Variants in BCL2L2 observed in about 807,000 individuals in gnomAD.
BCL2L2 encodes bcl-2-like protein 2.
In BCL2L2, 6 loss-of-function variants were observed where a neutral mutation model predicts 14.6. The ratio of observed to expected loss-of-function variants is 0.41; its 90% CI spans 0.22 to 0.81. BCL2L2 has a LOEUF of 0.81. Ranked by LOEUF, BCL2L2 falls within the 30% of genes least tolerant of loss-of-function variation. BCL2L2 has a pLI of 0.32. For synonymous variants in BCL2L2, 90 were observed against 108.5 expected (o/e 0.83, Z 1.06); for missense variants, 191 against 260.5 (o/e 0.73, Z 1.84).
chr14:23,309,252 T>A lies in BCL2L2; in HGVS notation c.*287T>A. The A allele has an allele frequency of 8.5e-7, 1 of 1,178,404 alleles. No homozygotes were observed. The highest frequency in any genetic ancestry group is 3.4e-4 in the Middle Eastern group (1 of 2,956). 73.0% of individuals were successfully genotyped at this position (1,178,404 alleles called of 1,614,324 possible). A position where few individuals can be genotyped will look rare whatever the true frequency, so the allele number is the denominator to read the frequency against. On this transcript the variant is annotated 3_prime_UTR_variant, in exon 4 of 4. Transcript: ENST00000250405. Reference sequence around the variant, plus strand: ...GATCACGCCTATAGGTGTGGGCACATGAAACGACCTGGAACTTGCTTCACA... The same window carrying A: ...GATCACGCCTATAGGTGTGGGCACAAGAAACGACCTGGAACTTGCTTCACA...
Position 23,309,450 on chromosome 14 carries a change from C to G in BCL2L2, c.*485C>G, listed in dbSNP as rs1858740498. On this transcript the variant is annotated 3_prime_UTR_variant, in exon 4 of 4. Transcript: ENST00000250405. The stretch of plus-strand genomic sequence containing the variant: ...ACACGCGTGTGCATGTGCACGCATG[C>G]TGGTGTGCATGCTGGGCTGCCTGGC... 1.0e-6 allele frequency: 1 copy of G among 987,546 alleles called. No individual in the cohort carries two copies. Among genetic ancestry groups the G allele is most frequent in the Non-Finnish European group, 1.2e-6 (1 of 831,430 alleles). The allele number at this position is 987,546 out of a possible 1,614,324, so 61.2% of individuals were successfully genotyped here. A position where few individuals can be genotyped will look rare whatever the true frequency, so the allele number is the denominator to read the frequency against.
At position 23,311,427 on chromosome 14, in the gene BCL2L2, T is replaced by C; in HGVS notation, c.*2462T>C. On this transcript the variant is annotated 3_prime_UTR_variant, in exon 4 of 4. Coordinates refer to ENST00000250405, the MANE Select transcript of BCL2L2 (RefSeq NM_004050.5). Reference sequence around the variant, plus strand: ...ATTAAGTAGGAGGAGAGGGGTTTCTTGCTCTCCAGAGCCCAAAGGGACAAA... The same window carrying C: ...ATTAAGTAGGAGGAGAGGGGTTTCTCGCTCTCCAGAGCCCAAAGGGACAAA... 1 of 1,076,376 alleles carries C rather than the reference T, an allele frequency of 9.3e-7. No individual in the cohort carries two copies. The highest frequency in any genetic ancestry group is 1.1e-6 in the Non-Finnish European group (1 of 885,792). 66.7% of individuals were successfully genotyped at this position (1,076,376 alleles called of 1,614,324 possible). A position where few individuals can be genotyped will look rare whatever the true frequency, so the allele number is the denominator to read the frequency against.
chr14:23,310,040 G>C lies in BCL2L2; in HGVS notation c.*1075G>C. The stretch of plus-strand genomic sequence containing the variant: ...TGACCATTTCAGATCTGAATCCCAT[G>C]GGTGTGAGGGTGATGGGTACTCCAG... On this transcript the variant is annotated 3_prime_UTR_variant, in exon 4 of 4. Coordinates refer to ENST00000250405, the MANE Select transcript of BCL2L2 (RefSeq NM_004050.5). 1.0e-6 allele frequency: 1 copy of C among 985,536 alleles called. No homozygotes were observed. The highest frequency in any genetic ancestry group is 1.2e-6 in the Non-Finnish European group (1 of 830,062). 61.0% of individuals were successfully genotyped at this position (985,536 alleles called of 1,614,324 possible).
At position 23,308,753 on chromosome 14, in the gene BCL2L2, A is replaced by T; in HGVS notation, c.433-63A>T. On this transcript the variant is annotated intron_variant, in intron 3 of 3. Coordinates refer to ENST00000250405, the MANE Select transcript of BCL2L2 (RefSeq NM_004050.5). The surrounding 1 kb of genome is among the most constrained non-coding windows in gnomAD (Gnocchi z 5.4). ...GAACTCTTCCTCTCCTCTTCTCTCC[A>T]CTCTTTCCTCTCCTGATATCCCTTT... 1 of 1,242,724 alleles carries T rather than the reference A, an allele frequency of 8.0e-7. No individual in the cohort carries two copies. The highest frequency in any genetic ancestry group is 1.0e-6 in the Non-Finnish European group (1 of 956,858). 77.0% of individuals were successfully genotyped at this position (1,242,724 alleles called of 1,614,324 possible).
chr14:23,310,920 A>G lies in BCL2L2; in HGVS notation c.*1955A>G. The G allele has an allele frequency of 7.8e-7, 1 of 1,289,204 alleles. No homozygotes were observed. The highest frequency in any genetic ancestry group is 1.0e-6 in the Non-Finnish European group (1 of 988,544). 79.9% of individuals were successfully genotyped at this position (1,289,204 alleles called of 1,614,324 possible). A position where few individuals can be genotyped will look rare whatever the true frequency, so the allele number is the denominator to read the frequency against. On this transcript the variant is annotated 3_prime_UTR_variant, in exon 4 of 4. Coordinates refer to ENST00000250405, the MANE Select transcript of BCL2L2 (RefSeq NM_004050.5). ...GTTTGCTGCTGAAAAAAAGTTGGAA[A>G]ACCACTGACTAGACCATCGGCTCCA... is the stretch of plus-strand genomic sequence containing the variant.
In BCL2L2 at chr14:23,309,419, G is replaced by C. The variant is rs866745983; in HGVS notation, c.*454G>C. On this transcript the variant is annotated 3_prime_UTR_variant, in exon 4 of 4. Coordinates refer to ENST00000250405, the MANE Select transcript of BCL2L2 (RefSeq NM_004050.5). ...GAGAGGTGGCTGTTAACAGTGGGCT[G>C]CTTGGACACGCGTGTGCATGTGCAC... 2.0e-6 allele frequency: 2 copies of C among 991,160 alleles called. No homozygotes were observed. The highest frequency in any genetic ancestry group is 2.4e-6 in the Non-Finnish European group (2 of 833,922). The allele number at this position is 991,160 out of a possible 1,614,324, so 61.4% of individuals were successfully genotyped here.
Position 23,309,646 on chromosome 14 carries a change from C to G in BCL2L2, c.*681C>G. On this transcript the variant is annotated 3_prime_UTR_variant, in exon 4 of 4. Coordinates refer to ENST00000250405, the MANE Select transcript of BCL2L2 (RefSeq NM_004050.5). ...ATCCAGACCGAGGGCTCTGCTGCTT[C>G]TTTCCAGAAAGTGATTGGCAAGGCT... is the stretch of plus-strand genomic sequence containing the variant. 1 of 985,642 alleles carries G rather than the reference C, an allele frequency of 1.0e-6. No individual in the cohort carries two copies. The allele number at this position is 985,642 out of a possible 1,614,324, so 61.1% of individuals were successfully genotyped here.
At position 23,307,874 on chromosome 14, in the gene BCL2L2, G is replaced by C. The variant is rs751213062; in HGVS notation, c.107G>C (p.Gly36Ala). The change falls in exon 3 of 4, where the codon GGC becomes GCC. Residue 36 changes from glycine (G) to alanine (A), a missense_variant. Physicochemically the swap from Gly to Ala is moderately conservative, Grantham distance 60 (BLOSUM62 0). Coordinates refer to ENST00000250405, the MANE Select transcript of BCL2L2 (RefSeq NM_004050.5). ...GYVCGAGPGE[G>A]PAADPLHQAM... is the part of the protein sequence containing the mutation. ...GTCTGTGGAGCTGGCCCCGGGGAGG[G>C]CCCAGCAGCTGACCCGCTGCACCAA... 6 of 1,612,266 alleles carry C rather than the reference G, an allele frequency of 3.7e-6. No individual in the cohort carries two copies. The South Asian group carries it at 6.6e-5, about 18-fold the overall frequency.
rs919568950 is a variant in BCL2L2, at chr14:23,308,419, G to A, written c.432+220G>A. On this transcript the variant is annotated intron_variant, in intron 3 of 3. Coordinates refer to ENST00000250405, the MANE Select transcript of BCL2L2 (RefSeq NM_004050.5). The surrounding 1 kb of genome is among the most constrained non-coding windows in gnomAD (Gnocchi z 5.4). Reference sequence around the variant, plus strand: ...GGATGGGCTCATGGTCCCAAGCAGAGGACAGAATACACACCCAAGGAGTGC... The same window carrying A: ...GGATGGGCTCATGGTCCCAAGCAGAAGACAGAATACACACCCAAGGAGTGC... 1.3e-5 allele frequency among the ~76,000 whole-genome samples: 2 copies of A among 152,062 alleles called. No individual in the cohort carries two copies. Among genetic ancestry groups the A allele is most frequent in the African/African-American group, 4.8e-5 (2 of 41,394 alleles).
Position 23,309,188 on chromosome 14 carries a change from A to T in BCL2L2, c.*223A>T. On this transcript the variant is annotated 3_prime_UTR_variant, in exon 4 of 4. Coordinates refer to ENST00000250405, the MANE Select transcript of BCL2L2 (RefSeq NM_004050.5). ...AATGTTTTGGCAAGTTTAGGGGCAC[A>T]GGAGATGTAGTCGTTCCAGGGCTGG... is the stretch of plus-strand genomic sequence containing the variant. 4.8e-5 allele frequency: 47 copies of T among 983,400 alleles called. No individual in the cohort carries two copies. The highest frequency in any genetic ancestry group is 3.8e-4 in the East Asian group (4 of 10,608). The allele number at this position is 983,400 out of a possible 1,614,324, so 60.9% of individuals were successfully genotyped here.
rs1027899777 is a variant in BCL2L2, at chr14:23,309,274, C to T, written c.*309C>T. 27 of 1,152,882 alleles carry T rather than the reference C, an allele frequency of 2.3e-5. No homozygotes were observed. In the South Asian group the frequency reaches 6.6e-4, roughly 28 times the overall value. 71.4% of individuals were successfully genotyped at this position (1,152,882 alleles called of 1,614,324 possible). On this transcript the variant is annotated 3_prime_UTR_variant, in exon 4 of 4. Coordinates refer to ENST00000250405, the MANE Select transcript of BCL2L2 (RefSeq NM_004050.5). ...ACATGAAACGACCTGGAACTTGCTTCACAGCCCTGAGGAAGGTGGACTTAC... is the reference window on the plus strand; with the variant it reads ...ACATGAAACGACCTGGAACTTGCTTTACAGCCCTGAGGAAGGTGGACTTAC...
chr14:23,307,707 T>C, intron 2 of BCL2L2, 53 bp from the exon 3 acceptor site: 1 of 1,510,514 alleles, frequency 6.6e-7, no homozygotes, highest in South Asian at 1.4e-5. Flanking sequence ...AAGTGCTCCT[T>C]CTGATTCTCT....
Position 23,311,308 on chromosome 14 carries a change from C to T in BCL2L2, c.*2343C>T. Reference sequence around the variant, plus strand: ...GCCATATAGTTCCTTGGGATTAGCTCTTGGCCAAGAAGGCTGAGTATGGTT... The same window carrying T: ...GCCATATAGTTCCTTGGGATTAGCTTTTGGCCAAGAAGGCTGAGTATGGTT... On this transcript the variant is annotated 3_prime_UTR_variant, in exon 4 of 4. Coordinates refer to ENST00000250405, the MANE Select transcript of BCL2L2 (RefSeq NM_004050.5). The T allele has an allele frequency of 9.0e-7, 1 of 1,115,410 alleles. No homozygotes were observed. The highest frequency in any genetic ancestry group is 1.1e-6 in the Non-Finnish European group (1 of 907,182). 69.1% of individuals were successfully genotyped at this position (1,115,410 alleles called of 1,614,324 possible).
At position 23,308,314 on chromosome 14, in the gene BCL2L2, G is replaced by C; in HGVS notation, c.432+115G>C. The C allele has an allele frequency of 8.7e-6, 12 of 1,384,302 alleles. No individual in the cohort carries two copies. Among genetic ancestry groups the C allele is most frequent in the Non-Finnish European group, 1.1e-5 (12 of 1,050,778 alleles). The allele number at this position is 1,384,302 out of a possible 1,614,324, so 85.8% of individuals were successfully genotyped here. Reference sequence around the variant, plus strand: ...AGCTATGTTGGGAATGAGGTACGGGGCTGAGTCTCCCCGTCTGGATGGAAT... The same window carrying C: ...AGCTATGTTGGGAATGAGGTACGGGCCTGAGTCTCCCCGTCTGGATGGAAT... On this transcript the variant is annotated intron_variant, in intron 3 of 3. Coordinates refer to ENST00000250405, the MANE Select transcript of BCL2L2 (RefSeq NM_004050.5). This position sits in a 1 kb window ranked among gnomAD's most constrained non-coding sequence, Gnocchi z 5.4.
chr14:23,309,698 G>T lies in BCL2L2; in HGVS notation c.*733G>T, dbSNP rs1454985186. 1 of 985,490 alleles carries T rather than the reference G, an allele frequency of 1.0e-6. No individual in the cohort carries two copies. The highest frequency in any genetic ancestry group is 1.2e-6 in the Non-Finnish European group (1 of 830,054). The allele number at this position is 985,490 out of a possible 1,614,324, so 61.0% of individuals were successfully genotyped here. On this transcript the variant is annotated 3_prime_UTR_variant, in exon 4 of 4. Coordinates refer to ENST00000250405, the MANE Select transcript of BCL2L2 (RefSeq NM_004050.5). Reference sequence around the variant, plus strand: ...TGGAGAGAAGAGCAGTTCTGCAGCTGGCCTTGTTCCTTCATCATCCCCCTT... The same window carrying T: ...TGGAGAGAAGAGCAGTTCTGCAGCTTGCCTTGTTCCTTCATCATCCCCCTT...
chr14:23,307,663 T>C (rs1432687410), intron 2 of BCL2L2, 97 bp from the exon 3 acceptor site: 1 of 1,461,908 alleles, frequency 6.8e-7, no homozygotes, highest in Non-Finnish European at 9.1e-7. Context: ...GCATTTCCTC[T>C]CTCCTCCTCA....
Position 23,308,411 on chromosome 14 carries a change from C to T in BCL2L2, c.432+212C>T, listed in dbSNP as rs975051453. On this transcript the variant is annotated intron_variant, in intron 3 of 3. Coordinates refer to ENST00000250405, the MANE Select transcript of BCL2L2 (RefSeq NM_004050.5). This position sits in a 1 kb window ranked among gnomAD's most constrained non-coding sequence, Gnocchi z 5.4. ...TCAACACTGGATGGGCTCATGGTCC[C>T]AAGCAGAGGACAGAATACACACCCA... Among the ~76,000 whole-genome samples, 5 of 152,008 alleles carry T rather than the reference C, an allele frequency of 3.3e-5. No individual in the cohort carries two copies. Among genetic ancestry groups the T allele is most frequent in the Non-Finnish European group, 7.4e-5 (5 of 68,014 alleles).
chr14:23,308,213 C>G lies in BCL2L2; in HGVS notation c.432+14C>G, dbSNP rs1396064957. 6.3e-7 allele frequency: 1 copy of G among 1,597,308 alleles called. No individual in the cohort carries two copies. The highest frequency in any genetic ancestry group is 1.1e-5 in the South Asian group (1 of 89,208). On this transcript the variant is annotated intron_variant, in intron 3 of 3. Coordinates refer to ENST00000250405, the MANE Select transcript of BCL2L2 (RefSeq NM_004050.5). The surrounding 1 kb of genome is among the most constrained non-coding windows in gnomAD (Gnocchi z 5.4). The stretch of plus-strand genomic sequence containing the variant: ...AGTGGGGGCTGGGTAAGAAGCTTCT[C>G]AATTGCCGCTCTGCACATCCTTCTG...
rs1216348848 is a variant in BCL2L2 at position 23,309,389 on chromosome 14, A to G, written c.*424A>G. The stretch of plus-strand genomic sequence containing the variant: ...ATGGAAGCTTAGGGGTTCTCAGGTG[A>G]TAGGGAGAGGTGGCTGTTAACAGTG... On this transcript the variant is annotated 3_prime_UTR_variant, in exon 4 of 4. Transcript: ENST00000250405. 9 of 998,296 alleles carry G rather than the reference A, an allele frequency of 9.0e-6. No homozygotes were observed. The highest frequency in any genetic ancestry group is 1.1e-5 in the Non-Finnish European group (9 of 838,820). 61.8% of individuals were successfully genotyped at this position (998,296 alleles called of 1,614,324 possible). A position where few individuals can be genotyped will look rare whatever the true frequency, so the allele number is the denominator to read the frequency against.
Sources: gnomAD v4.1 joint callset for allele counts (sites outside exome capture counted in the v4.1 genomes callset) on GRCh38, gnomAD v4.1.1 for gene constraint, Gnocchi (gnomAD v3.1) non-coding constraint, MANE v1.5 for transcripts, NCBI Gene and HGNC (gene_info 2026-07-23, HGNC 2026-07-21) for gene names.